Variants in KCNH7 observed in about 807,000 individuals in gnomAD.
KCNH7 encodes the protein voltage-gated inwardly rectifying potassium channel KCNH7.
In KCNH7, 49 loss-of-function variants were observed where a neutral mutation model predicts 120.8. The ratio of observed to expected loss-of-function variants is 0.41; its 90% confidence interval spans 0.32 to 0.51. KCNH7 has a LOEUF of 0.51. Ranked by LOEUF, KCNH7 falls within the 20% of genes least tolerant of loss-of-function variation. KCNH7 has a pLI of 0.38. For missense variants in KCNH7, 1,097 were observed against 1,446.6 expected, an observed-to-expected ratio of 0.76 and a Z score of 3.92; for synonymous variants, 547 against 516.1, an observed-to-expected ratio of 1.06 and a Z score of -0.81.
intron 2 of KCNH7, among the ~76,000 whole-genome samples, chr2:162,821,782 T>C (rs1343499172): frequency 1.3e-5 from 2 of 152,194 alleles, no homozygotes; most frequent in East Asian, 3.9e-4. Context: ...AGGTTTACAA[T>C]TATTTTTACA....
chr2:162,671,906 A>G (rs941770223), intron 2 of KCNH7, among the ~76,000 whole-genome samples: 1 of 152,150 alleles, frequency 6.6e-6, no homozygotes, highest in Non-Finnish European at 1.5e-5. Flanking sequence ...ATATATGATT[A>G]AAATTTAATT....
chr2:162,818,203 A>G (rs568421614), intron 2 of KCNH7, among the ~76,000 whole-genome samples: 1 of 152,046 alleles, frequency 6.6e-6, no homozygotes, highest in East Asian at 1.9e-4. Flanking sequence ...AGTTACAAAG[A>G]TATTTTTGTT....
intron 3 of KCNH7, among the ~76,000 whole-genome samples, chr2:162,531,171 A>T (rs907829158): frequency 1.3e-5 from 2 of 151,996 alleles, no homozygotes; most frequent in Non-Finnish European, 2.9e-5. Flanking sequence ...ATTTGTTGTA[A>T]CTTGTACATA....
intron 4 of KCNH7, among the ~76,000 whole-genome samples, chr2:162,516,973 A>G (rs941069411): frequency 2.6e-5 from 4 of 151,750 alleles, no homozygotes; most frequent in Non-Finnish European, 5.9e-5. Flanking sequence ...TTCTTATGAG[A>G]GTAAAATGAG....
intron 8 of KCNH7, among the ~76,000 whole-genome samples, chr2:162,424,839 A>G (rs1441957626): frequency 1.3e-5 from 2 of 152,156 alleles, no homozygotes; most frequent in African/African-American, 2.4e-5. Context: ...GTTTTTATCT[A>G]TTTAAGGGGA....
Position 162,452,301 on chromosome 2 carries a change from T to C in KCNH7, c.1129-5858A>G, listed in dbSNP as rs577043809. 5.9e-5 allele frequency among the ~76,000 whole-genome samples: 9 copies of C among 152,178 alleles called. No homozygotes were observed. The South Asian group carries it at 1.9e-3, about 32-fold the overall frequency. On this transcript the variant is annotated intron_variant, in intron 6 of 15. Transcript: ENST00000332142. ...TTAAGAAAAGAATTCTAGAATCTTA[T>C]TCAGAAATGTCTAAGATAGTTAAGA...
chr2:162,406,017 C>A (rs1558929002), intron 9 of KCNH7, among the ~76,000 whole-genome samples: 1 of 151,912 alleles, frequency 6.6e-6, no homozygotes, highest in Non-Finnish European at 1.5e-5. Flanking sequence ...TACCTGGCTG[C>A]TGATAAAAGA....
chr2:162,493,673 T>G (rs1281440018), intron 6 of KCNH7, among the ~76,000 whole-genome samples: 2 of 152,134 alleles, frequency 1.3e-5, no homozygotes, highest in Non-Finnish European at 2.9e-5. Flanking sequence ...ACTTACCAGG[T>G]TTTACACTAA....
chr2:162,809,677 G>A (rs1684666179), intron 2 of KCNH7, among the ~76,000 whole-genome samples: 1 of 151,964 alleles, frequency 6.6e-6, no homozygotes, highest in South Asian at 2.1e-4. Context: ...TTTAGGACAA[G>A]GATAACACAA....
intron 2 of KCNH7, among the ~76,000 whole-genome samples, chr2:162,807,653 T>C (rs913472771): frequency 2.0e-5 from 3 of 152,022 alleles, no homozygotes; most frequent in Non-Finnish European, 4.4e-5. Context: ...CTACATACTA[T>C]TTATAATCTT....
Position 162,389,468 on chromosome 2 carries a change from A to G in KCNH7, c.2711-4529T>C, listed in dbSNP as rs185002802. On this transcript the variant is annotated intron_variant, in intron 12 of 15. Transcript: ENST00000332142. ...AACATTATTCTTTATGCTTTTGGAA[A>G]AGGAAGCAGGAAAAGGTATAGAGAA... Among the ~76,000 whole-genome samples, 452 of 152,140 alleles carry G rather than the reference A, an allele frequency of 3.0e-3. 3 individuals carry two copies. Among genetic ancestry groups the G allele is most frequent in the African/African-American group, 0.01 (427 of 41,560 alleles).
intron 2 of KCNH7, among the ~76,000 whole-genome samples, chr2:162,538,892 T>G (rs999030974): frequency 7.2e-5 from 11 of 152,110 alleles, no homozygotes; most frequent in African/African-American, 2.7e-4. Context: ...ATAATTCAGA[T>G]GTGCTAGTTA....
intron 6 of KCNH7, among the ~76,000 whole-genome samples, chr2:162,489,347 C>T (rs1179447120): frequency 6.6e-6 from 1 of 151,920 alleles, no homozygotes; most frequent in Non-Finnish European, 1.5e-5. Context: ...ACATTAAGTA[C>T]ACTAACACTA....
chr2:162,756,214 A>G (rs573585576), intron 2 of KCNH7, among the ~76,000 whole-genome samples: 26 of 152,302 alleles, frequency 1.7e-4, no homozygotes, highest in African/African-American at 6.3e-4. Context: ...TAATAGTATG[A>G]GCTAAACCAG....
At chr2:162,744,796 G>A (rs1013660428) in intron 2 of KCNH7, among the ~76,000 whole-genome samples, 1 of 151,762 alleles carries the variant, frequency 6.6e-6, no homozygotes, top group Non-Finnish European at 1.5e-5. Context: ...GATGGTCTCG[G>A]TCTCCTGACC....
intron 14 of KCNH7, among the ~76,000 whole-genome samples, chr2:162,379,181 TA>T (rs1319420389): frequency 6.6e-6 from 1 of 152,206 alleles, no homozygotes; most frequent in African/African-American, 2.4e-5. Context: ...AAAAGGCTAC[TA>T]TTGGATCAAG....
intron 2 of KCNH7, among the ~76,000 whole-genome samples, chr2:162,636,010 G>C (rs1014732750): frequency 1.1e-4 from 16 of 152,030 alleles, no homozygotes; most frequent in Non-Finnish European, 1.5e-5. Flanking sequence ...TCTTGGAAGA[G>C]CCCATGTCCA....
At chr2:162,670,470 C>CAAAAAA (rs61610131) in intron 2 of KCNH7, among the ~76,000 whole-genome samples, 20 of 48,192 alleles carry the variant, frequency 4.2e-4, no homozygotes, top group East Asian at 1.1e-3. Flanking sequence ...CGAACTCTGT[C>CAAAAAA]AAAAAAAAAA....
chr2:162,813,516 A>G (rs933442027), intron 2 of KCNH7, among the ~76,000 whole-genome samples: 1 of 152,160 alleles, frequency 6.6e-6, no homozygotes, highest in Admixed American at 6.5e-5. Flanking sequence ...CTTTACCTTC[A>G]TCATTCATTC....
Sources: allele counts gnomAD v4.1 joint callset (sites outside exome capture counted in the v4.1 genomes callset), GRCh38; gene constraint gnomAD v4.1.1; transcripts MANE v1.5; gene names NCBI Gene and HGNC (gene_info 2026-07-23, HGNC 2026-07-21).